TENT5D: variants seen among roughly 807,000 people sequenced by gnomAD.
TENT5D encodes the protein terminal nucleotidyltransferase 5D.
For synonymous variants in TENT5D, 103 were observed against 100.6 expected, an observed-to-expected ratio of 1.02 and a Z score of -0.15; for missense variants, 191 against 287.0, an observed-to-expected ratio of 0.67 and a Z score of 2.42.
At chrX:80,351,824 G>A (rs1930183988) in intron 3 of TENT5D, among the ~76,000 whole-genome samples, 1 of 111,889 alleles carries the variant, frequency 8.9e-6, no homozygotes, top group Non-Finnish European at 1.9e-5. Context: ...GACCTTGGAT[G>A]AGGTTTCTGT....
chrX:80,340,327 G>A (rs1461065702), intron 2 of TENT5D, among the ~76,000 whole-genome samples: 1 of 110,928 alleles, frequency 9.0e-6, no homozygotes, highest in African/African-American at 3.3e-5. Context: ...CTCTCTTAAA[G>A]GACTATACTA....
chrX:80,427,453 C>A (rs1932007838), intron 1 of TENT5D, among the ~76,000 whole-genome samples: 1 of 112,177 alleles, frequency 8.9e-6, no homozygotes, highest in African/African-American at 3.2e-5. Context: ...TTGCATTTTA[C>A]CAATAATCTT....
At chrX:80,388,862 G>A (rs1190382173) in intron 3 of TENT5D, among the ~76,000 whole-genome samples, 1 of 111,159 alleles carries the variant, frequency 9.0e-6, no homozygotes, top group East Asian at 2.8e-4. Flanking sequence ...GTTTATGCAG[G>A]ACTCCAGAGC....
At chrX:80,437,464 T>A (rs1007816266) in intron 1 of TENT5D, among the ~76,000 whole-genome samples, 4 of 111,924 alleles carry the variant, frequency 3.6e-5, no homozygotes, top group African/African-American at 1.3e-4. Context: ...GATTAACACT[T>A]TATTTTATAG....
intron 3 of TENT5D, among the ~76,000 whole-genome samples, chrX:80,347,986 T>C (rs755008252): frequency 9.0e-6 from 1 of 111,520 alleles, no homozygotes; most frequent in East Asian, 2.8e-4. Flanking sequence ...TGGTTGTAGA[T>C]GTGTGGTGTT....
At chrX:80,441,906 G>C (rs1052593375) in intron 2 of TENT5D, among the ~76,000 whole-genome samples, 8 of 110,673 alleles carry the variant, frequency 7.2e-5, no homozygotes, top group African/African-American at 2.6e-4. Flanking sequence ...TGGGCACATA[G>C]AAGAGGTGAT....
At chrX:80,384,768 T>G (rs1464579239) in intron 3 of TENT5D, among the ~76,000 whole-genome samples, 7 of 106,862 alleles carry the variant, frequency 6.6e-5, no homozygotes, top group Non-Finnish European at 1.3e-4. Context: ...ACAAGCATTC[T>G]TATACACCAA....
intron 3 of TENT5D, among the ~76,000 whole-genome samples, chrX:80,409,719 C>T (rs1328634570): frequency 9.1e-6 from 1 of 109,767 alleles, no homozygotes; most frequent in East Asian, 2.9e-4. Flanking sequence ...CTACCAATGA[C>T]TTTCTTCACA....
At chrX:80,380,490 C>G (rs1930839035) in intron 3 of TENT5D, among the ~76,000 whole-genome samples, 1 of 110,999 alleles carries the variant, frequency 9.0e-6, no homozygotes, top group Non-Finnish European at 1.9e-5. Flanking sequence ...TGGTGCTGAG[C>G]TGAGTTCAAA....
chrX:80,414,385 C>A (rs767743336), intron 3 of TENT5D, among the ~76,000 whole-genome samples: 1 of 109,169 alleles, frequency 9.2e-6, no homozygotes, highest in African/African-American at 3.5e-5. Flanking sequence ...CCCTTCATGG[C>A]CACCAAAATG....
chrX:80,358,926 A>T (rs1388483501), intron 3 of TENT5D, among the ~76,000 whole-genome samples: 4 of 112,248 alleles, frequency 3.6e-5, no homozygotes. Context: ...GGATAGGTCA[A>T]GGGATGAAGG....
chrX:80,434,386 A>G (rs895592627), intron 1 of TENT5D, among the ~76,000 whole-genome samples: 1 of 111,403 alleles, frequency 9.0e-6, no homozygotes, highest in African/African-American at 3.3e-5. Context: ...GATTGCCTAC[A>G]TATATGTCCG....
intron 3 of TENT5D, among the ~76,000 whole-genome samples, chrX:80,358,468 G>GACA (rs1370800053): frequency 8.9e-6 from 1 of 112,312 alleles, no homozygotes; most frequent in African/African-American, 3.2e-5. Context: ...CTATAGTGAA[G>GACA]CTTGTAATCA....
chrX:80,444,565 A>AT (rs1392303662), exon 3 of TENT5D: 3 of 122,605 alleles, frequency 2.4e-5, no homozygotes, highest in Non-Finnish European at 5.7e-5. Flanking sequence ...CAGGAAAAAA[A>AT]CAGGCAGAGG....
intron 3 of TENT5D, among the ~76,000 whole-genome samples, chrX:80,343,895 C>T (rs191347140): frequency 1.2e-3 from 132 of 110,644 alleles, no homozygotes; most frequent in African/African-American, 4.1e-3. Context: ...TATTTTGTTA[C>T]CTGGTAGAGT....
chrX:80,385,176 A>G (rs1569363645), intron 3 of TENT5D, among the ~76,000 whole-genome samples: 1 of 111,738 alleles, frequency 8.9e-6, no homozygotes. Flanking sequence ...AAACTATACT[A>G]CAAGGCTACA....
At chrX:80,441,608 G>A (rs1355404507) in intron 2 of TENT5D, among the ~76,000 whole-genome samples, 2 of 110,904 alleles carry the variant, frequency 1.8e-5, no homozygotes, top group African/African-American at 3.3e-5. Flanking sequence ...ACTTATTAGC[G>A]TACTTGAAGA....
At chrX:80,394,303 A>G (rs185241972) in intron 3 of TENT5D, among the ~76,000 whole-genome samples, 1 of 99,805 alleles carries the variant, frequency 1.0e-5, no homozygotes, top group African/African-American at 3.7e-5. Flanking sequence ...TTCCTTAATG[A>G]TTAGTGATGT....
chrX:80,416,380 G>A (rs1223215129), upstream of TENT5D, among the ~76,000 whole-genome samples: 1 of 92,380 alleles, frequency 1.1e-5, no homozygotes, highest in African/African-American at 4.0e-5. Context: ...TTTACGTTAT[G>A]TTAGTTGGTT....
Sources: allele counts gnomAD v4.1 joint callset (sites outside exome capture counted in the v4.1 genomes callset), GRCh38; gene constraint gnomAD v4.1.1; transcripts MANE v1.5; gene names NCBI Gene and HGNC (gene_info 2026-07-23, HGNC 2026-07-21).